The following SYTL5 variants were observed in gnomAD, a reference collection of about 807,000 sequenced individuals.
SYTL5 encodes synaptotagmin-like protein 5.
SYTL5 carries 34 observed loss-of-function variants against 55.9 expected under a neutral mutation model. The ratio of observed to expected loss-of-function variants is 0.61; its 90% CI spans 0.46 to 0.81. The LOEUF (loss-of-function observed/expected upper bound fraction) is 0.81, where lower values mean the gene tolerates loss of function less well. SYTL5 is among the 30% of genes least tolerant of loss of function. SYTL5 has a pLI of 0.00. For missense variants in SYTL5, 637 were observed against 546.7 expected (o/e 1.17, Z -1.65); for synonymous variants, 221 against 188.7 (o/e 1.17, Z -1.40).
At chrX:37,916,490 A>C in the SYTL5 span, among the ~76,000 whole-genome samples, 3 of 112,078 alleles carry the variant, frequency 2.7e-5, no homozygotes, top group East Asian at 5.6e-4. Context: ...GCTGCTTTCA[A>C]ATGGGCTCAC....
Position 38,128,810 on chromosome X carries a change from G to A in SYTL5, c.*2080G>A, listed in dbSNP as rs1937733146. On this transcript the variant is annotated 3_prime_UTR_variant, in exon 17 of 17. Coordinates refer to ENST00000297875, the MANE Select transcript of SYTL5 (RefSeq NM_138780.3). ...GGAAAAATAAAATGTCTTCAGACTT[G>A]ATGTGACTCATTCTGTCTTCAGTTA... The A allele has an allele frequency of 8.9e-6, 1 of 111,824 alleles. No individual in the cohort carries two copies. Among genetic ancestry groups the A allele is most frequent in the Non-Finnish European group, 1.9e-5 (1 of 53,147 alleles). The allele number at this position is 111,824 out of a possible 1,213,427, so 9.2% of individuals were successfully genotyped here. A position where few individuals can be genotyped will look rare whatever the true frequency, so the allele number is the denominator to read the frequency against.
At chrX:38,031,563 C>T (rs1602321827) in intron 1 of SYTL5, among the ~76,000 whole-genome samples, 1 of 111,945 alleles carries the variant, frequency 8.9e-6, no homozygotes, top group Non-Finnish European at 1.9e-5. Flanking sequence ...GAATATGATT[C>T]TATAAAACAT....
chrX:37,937,492 A>G, the SYTL5 span, among the ~76,000 whole-genome samples: 981 of 111,636 alleles, frequency 8.8e-3, 27 homozygotes, highest in Admixed American at 0.08. Context: ...TACAACTGCA[A>G]GAAATGAAGT....
chrX:37,939,165 G>A, the SYTL5 span, among the ~76,000 whole-genome samples: 1 of 109,260 alleles, frequency 9.2e-6, no homozygotes, highest in Admixed American at 9.9e-5. Context: ...GGAGGCTGAG[G>A]CAGGAGAATC....
the SYTL5 span, among the ~76,000 whole-genome samples, chrX:37,932,211 C>A: frequency 8.1e-5 from 9 of 111,467 alleles, no homozygotes; most frequent in African/African-American, 2.9e-4. Flanking sequence ...GGGCATGGAG[C>A]AGTAAACAGC....
At chrX:38,068,602 A>C (rs1186534437) in intron 3 of SYTL5, among the ~76,000 whole-genome samples, 2 of 112,407 alleles carry the variant, frequency 1.8e-5, no homozygotes, top group Admixed American at 1.9e-4. Context: ...AGTCATAAAA[A>C]TAATGAAATC....
Position 38,054,217 on chromosome X carries a change from C to T in SYTL5, c.124C>T (p.Leu42=). The change falls in exon 3 of 17, where the codon CTG becomes TTG. Residue 42 remains leucine (L), a synonymous_variant. Transcript: ENST00000297875. The part of the protein sequence containing the change: ...KKVEDKRIRK[L]KNELLEAKRR... ...TTTTTTCCCCTCTTCTTTCAGGAAGCTGAAAAATGAACTCTTAGAAGCAAA... is the reference window on the plus strand; with the variant it reads ...TTTTTTCCCCTCTTCTTTCAGGAAGTTGAAAAATGAACTCTTAGAAGCAAA... The T allele has an allele frequency of 8.3e-7, 1 of 1,204,491 alleles. No homozygotes were observed. The highest frequency in any genetic ancestry group is 1.1e-6 in the Non-Finnish European group (1 of 891,168).
upstream of SYTL5, among the ~76,000 whole-genome samples, chrX:38,004,894 TA>T (rs1304841539): frequency 9.0e-6 from 1 of 111,281 alleles, no homozygotes. Flanking sequence ...AATAATAATT[TA>T]ATTGTGCATT....
chrX:37,943,535 A>G, the SYTL5 span, among the ~76,000 whole-genome samples: 2 of 111,625 alleles, frequency 1.8e-5, no homozygotes, highest in East Asian at 5.7e-4. Context: ...CCAACTCAAC[A>G]TAACTCCTGC....
the SYTL5 span, among the ~76,000 whole-genome samples, chrX:37,943,687 G>A: frequency 8.4e-4 from 94 of 111,501 alleles, no homozygotes; most frequent in African/African-American, 2.9e-3. Flanking sequence ...GGGAGCCCAA[G>A]GTCGGAACTA....
chrX:38,055,382 A>G (rs1190664421), intron 3 of SYTL5, among the ~76,000 whole-genome samples: 1 of 111,383 alleles, frequency 9.0e-6, no homozygotes, highest in Admixed American at 9.5e-5. Flanking sequence ...CAGTTCAGTT[A>G]AACCAGTCTT....
intron 6 of SYTL5, among the ~76,000 whole-genome samples, chrX:38,087,441 G>T (rs1936685375): frequency 8.9e-6 from 1 of 111,784 alleles, no homozygotes; most frequent in Non-Finnish European, 1.9e-5. Context: ...ATTCCAAAGT[G>T]TATCAATTTA....
intron 3 of SYTL5, among the ~76,000 whole-genome samples, chrX:38,055,175 A>C (rs1279065235): frequency 4.5e-5 from 5 of 111,942 alleles, no homozygotes; most frequent in Non-Finnish European, 7.5e-5. Context: ...CCTGCTCTGC[A>C]CATCAGCTGA....
At chrX:38,010,387 T>C (rs1934137568) in intron 1 of SYTL5, among the ~76,000 whole-genome samples, 1 of 111,486 alleles carries the variant, frequency 9.0e-6, no homozygotes, top group South Asian at 3.8e-4. Context: ...TGTACCTAGA[T>C]GAATCCCTCA....
intron 6 of SYTL5, among the ~76,000 whole-genome samples, chrX:38,085,162 A>G (rs760396358): frequency 9.0e-6 from 1 of 111,227 alleles, no homozygotes; most frequent in Non-Finnish European, 1.9e-5. Context: ...TGGTAGAAGC[A>G]GAGGGAGCAA....
intron 3 of SYTL5, among the ~76,000 whole-genome samples, chrX:38,069,674 C>T (rs749491098): frequency 6.3e-4 from 70 of 111,980 alleles, no homozygotes; most frequent in African/African-American, 2.2e-3. Context: ...TGCTTTGGGC[C>T]CATGTGGATA....
At chrX:37,901,028 C>T in the SYTL5 span, among the ~76,000 whole-genome samples, 1 of 112,214 alleles carries the variant, frequency 8.9e-6, no homozygotes, top group African/African-American at 3.2e-5. Flanking sequence ...TGCAGGACCA[C>T]AGGATGACTG....
At chrX:37,904,065 T>C in the SYTL5 span, among the ~76,000 whole-genome samples, 1 of 110,947 alleles carries the variant, frequency 9.0e-6, no homozygotes, top group African/African-American at 3.3e-5. Flanking sequence ...AGGTGCACAG[T>C]AAATGTGAGT....
intron 3 of SYTL5, among the ~76,000 whole-genome samples, chrX:38,062,663 C>A (rs1169869572): frequency 9.0e-6 from 1 of 111,581 alleles, no homozygotes; most frequent in African/African-American, 3.3e-5. Flanking sequence ...ACAGGTAGGC[C>A]ATACTGTTAT....
Sources: gnomAD v4.1 joint callset for allele counts (sites outside exome capture counted in the v4.1 genomes callset) on GRCh38, gnomAD v4.1.1 for gene constraint, MANE v1.5 for transcripts, NCBI Gene and HGNC (gene_info 2026-07-23, HGNC 2026-07-21) for gene names.